CDYL: variants seen among roughly 807,000 people sequenced by gnomAD.
CDYL encodes the protein chromodomain Y-like protein.
A neutral mutation model predicts 47.3 loss-of-function variants in CDYL; 8 were observed. That is an observed-to-expected ratio of 0.17 (90% CI 0.10 to 0.31). The LOEUF is 0.31. Ranked by LOEUF, CDYL falls within the 10% of genes least tolerant of loss-of-function variation. The pLI is 1.00. For missense variants in CDYL, 471 were observed against 701.4 expected (o/e 0.67, Z 3.71); for synonymous variants, 266 against 265.0 (o/e 1.00, Z -0.04).
intron 4 of CDYL, among the ~76,000 whole-genome samples, chr6:4,942,962 C>T (rs1056228180): frequency 6.6e-6 from 1 of 152,178 alleles, no homozygotes; most frequent in Non-Finnish European, 1.5e-5. Flanking sequence ...TCTCTGTATC[C>T]CCCAGACTGT....
rs533224574 is a variant in CDYL at position 4,831,128 on chromosome 6, A to G, written c.24+54321A>G. 5.9e-5 allele frequency among the ~76,000 whole-genome samples: 9 copies of G among 152,246 alleles called. No homozygotes were observed. The East Asian group carries it at 1.2e-3, about 20-fold the overall frequency. ...CTTTGGGTATATCCCCAGTAATGGG[A>G]TGGCTGGGTCAAATGGTATTTCTAG... On this transcript the variant is annotated intron_variant, in intron 1 of 6. Transcript: ENST00000397588.
At chr6:4,766,225 T>C (rs945502155) in intron 3 of CDYL, among the ~76,000 whole-genome samples, 2 of 152,152 alleles carry the variant, frequency 1.3e-5, no homozygotes, top group Admixed American at 6.5e-5. Context: ...TTTTTTCCTT[T>C]TGAGATGGAG....
intron 3 of CDYL, among the ~76,000 whole-genome samples, chr6:4,760,961 T>G (rs1758165956): frequency 6.6e-6 from 1 of 152,144 alleles, no homozygotes; most frequent in African/African-American, 2.4e-5. Context: ...TAGTGGAAAT[T>G]TAGCATGTTC....
At chr6:4,819,446 A>G (rs541935144) in intron 1 of CDYL, among the ~76,000 whole-genome samples, 3 of 152,272 alleles carry the variant, frequency 2.0e-5, no homozygotes, top group Admixed American at 6.5e-5. Flanking sequence ...TGTCTACCAG[A>G]TAGTGGTGGC....
intron 1 of CDYL, among the ~76,000 whole-genome samples, chr6:4,861,753 G>A (rs61011591): frequency 0.045 from 6,895 of 152,206 alleles, 188 homozygotes; most frequent in South Asian, 0.14. Flanking sequence ...TTGCCATTGC[G>A]CAGTACTGTA....
At position 4,937,597 on chromosome 6, in the gene CDYL, G is replaced by A. The variant is rs779362976; in HGVS notation, c.981G>A (p.Thr327=). ...GAGAAGTCCAGAGTGCTCTGAGCAC[G>A]GCCGCTGCCGATGACAGCAAGCTGG... ...VMREVQSALS[T]AAADDSKLVL... is the part of the protein sequence containing the mutation. Residue 327 remains threonine (T), a synonymous_variant, in exon 4 of 7, where the codon ACG becomes ACA. Coordinates refer to ENST00000397588, the MANE Select transcript of CDYL (RefSeq NM_004824.4). 15 of 1,596,028 alleles carry A rather than the reference G, an allele frequency of 9.4e-6. No homozygotes were observed. The highest frequency in any genetic ancestry group is 1.4e-5 in the African/African-American group (1 of 73,580).
rs769770577 is a variant in CDYL, at chr6:4,710,941, ACACAC to A, written c.-39+4691_-39+4695del. Among the ~76,000 whole-genome samples the A allele has an allele frequency of 2.4e-3, 372 of 152,120 alleles. 1 individual carries two copies. The highest frequency in any genetic ancestry group is 7.5e-3 in the African/African-American group (310 of 41,518). ...ACCACACACACACACACACACACAC[ACACAC>A]AAAGGTAACTGTCAGGAGATGGATA... On this transcript the variant is annotated intron_variant, in intron 1 of 8. Coordinates refer to the CDYL transcript ENST00000328908.
At chr6:4,811,356 G>C (rs899453403) in intron 1 of CDYL, among the ~76,000 whole-genome samples, 1 of 152,134 alleles carries the variant, frequency 6.6e-6, no homozygotes, top group East Asian at 1.9e-4. Flanking sequence ...ACTTAAAATA[G>C]CATTTTTAAA....
intron 2 of CDYL, among the ~76,000 whole-genome samples, chr6:4,730,901 G>A (rs947168151): frequency 1.3e-5 from 2 of 151,970 alleles, no homozygotes; most frequent in Admixed American, 6.6e-5. Flanking sequence ...CTCCCTCTTA[G>A]TTTTTAACAC....
intron 2 of CDYL, among the ~76,000 whole-genome samples, chr6:4,919,169 G>A (rs1008596242): frequency 6.6e-6 from 1 of 152,178 alleles, no homozygotes; most frequent in Admixed American, 6.5e-5. Context: ...CAAAATGAGT[G>A]TCTTTAAGAG....
chr6:4,821,509 G>A (rs1180658268), intron 1 of CDYL, among the ~76,000 whole-genome samples: 2 of 152,078 alleles, frequency 1.3e-5, no homozygotes, highest in African/African-American at 4.8e-5. Context: ...CGAAGCGGGC[G>A]GATCACTTGA....
chr6:4,768,758 G>T (rs975852531), intron 3 of CDYL, among the ~76,000 whole-genome samples: 2 of 152,146 alleles, frequency 1.3e-5, no homozygotes, highest in Non-Finnish European at 2.9e-5. Flanking sequence ...ACAGGGGCTG[G>T]GAGTGGAGAA....
intron 2 of CDYL, among the ~76,000 whole-genome samples, chr6:4,905,319 A>G (rs62384663): frequency 1.3e-5 from 2 of 152,084 alleles, no homozygotes; most frequent in South Asian, 2.1e-4. Context: ...CACTCCGTCA[A>G]CCAACTTAGC....
At chr6:4,914,010 C>T (rs566269700) in intron 2 of CDYL, among the ~76,000 whole-genome samples, 29 of 152,312 alleles carry the variant, frequency 1.9e-4, no homozygotes, top group Non-Finnish European at 2.9e-4. Flanking sequence ...TGACTGCTCT[C>T]TCTATGGTTT....
At position 4,776,458 on chromosome 6, in the gene CDYL, C is replaced by CCGCGCCGCCCG. The variant is rs1295885253; in HGVS notation, c.-324_-314dup. 1 of 145,592 alleles carries CCGCGCCGCCCG rather than the reference C, an allele frequency of 6.9e-6. No homozygotes were observed. Among genetic ancestry groups the CCGCGCCGCCCG allele is most frequent in the Non-Finnish European group, 1.5e-5 (1 of 65,154 alleles). 9.0% of individuals were successfully genotyped at this position (145,592 alleles called of 1,614,324 possible). A position where few individuals can be genotyped will look rare whatever the true frequency, so the allele number is the denominator to read the frequency against. On this transcript the variant is annotated 5_prime_UTR_variant, in exon 1 of 7. Transcript: ENST00000397588. The stretch of plus-strand genomic sequence containing the variant: ...ACCGGAGAGGGGAGCCGCGATCCGG[C>CCGCGCCGCCCG]CGCGCCGCCCGCACGCCGCCGCGCC...
At chr6:4,909,776 G>A (rs1312607691) in intron 2 of CDYL, among the ~76,000 whole-genome samples, 31 of 151,352 alleles carry the variant, frequency 2.0e-4, no homozygotes, top group Admixed American at 1.3e-3. Flanking sequence ...GGGTTTCACC[G>A]TGTTAGCCAG....
chr6:4,909,569 C>CTTT (rs1554107000), intron 2 of CDYL, among the ~76,000 whole-genome samples: 7 of 151,920 alleles, frequency 4.6e-5, no homozygotes, highest in African/African-American at 1.7e-4. Flanking sequence ...AAAATTCATA[C>CTTT]TTTTTTTTGT....
intron 5 of CDYL, among the ~76,000 whole-genome samples, chr6:4,948,918 T>G (rs1053245731): frequency 6.6e-6 from 1 of 152,232 alleles, no homozygotes; most frequent in Non-Finnish European, 1.5e-5. Flanking sequence ...TGTCGTTCCT[T>G]TCATGAGCCT....
intron 1 of CDYL, among the ~76,000 whole-genome samples, chr6:4,787,587 A>G (rs1312213354): frequency 6.6e-6 from 1 of 152,086 alleles, no homozygotes; most frequent in Non-Finnish European, 1.5e-5. Context: ...TGCTGAGACC[A>G]GACACATTCA....
Sources: allele counts gnomAD v4.1 joint callset (sites outside exome capture counted in the v4.1 genomes callset), GRCh38; gene constraint gnomAD v4.1.1; transcripts MANE v1.5; gene names NCBI Gene and HGNC (gene_info 2026-07-23, HGNC 2026-07-21).